Variants in OLFM2 observed in about 807,000 individuals in gnomAD.
OLFM2 encodes the protein olfactomedin 2.
OLFM2 carries 20 observed loss-of-function variants against 43.9 expected under a neutral mutation model. That is an observed-to-expected ratio of 0.46 (90% CI 0.32 to 0.66). The LOEUF is 0.66. Among genes scored for constraint, OLFM2 ranks in the 30% least tolerant of loss-of-function variants. The pLI, the probability that OLFM2 is intolerant of heterozygous loss-of-function variation, is 0.04. For synonymous variants in OLFM2, 268 were observed against 278.6 expected (o/e 0.96, Z 0.38); for missense variants, 416 against 643.6 (o/e 0.65, Z 3.83).
At chr19:9,914,041 C>A (rs1438830941) in intron 1 of OLFM2, among the ~76,000 whole-genome samples, 11 of 150,994 alleles carry the variant, frequency 7.3e-5, no homozygotes, top group African/African-American at 2.7e-4. Flanking sequence ...AGCGCCCCAC[C>A]ACCACCGCGG....
chr19:9,894,399 A>G (rs2046663960), intron 1 of OLFM2, among the ~76,000 whole-genome samples: 1 of 94,490 alleles, frequency 1.1e-5, no homozygotes, highest in Non-Finnish European at 2.3e-5. Context: ...AATAATAATA[A>G]TAATAATAAT....
intron 1 of OLFM2, among the ~76,000 whole-genome samples, chr19:9,888,821 C>T (rs1313726641): frequency 6.6e-6 from 1 of 152,078 alleles, no homozygotes; most frequent in African/African-American, 2.4e-5. Context: ...AATCCCAGCA[C>T]TTTGGGAGGC....
At chr19:9,918,762 C>T (rs184693668) in intron 1 of OLFM2, among the ~76,000 whole-genome samples, 17 of 152,254 alleles carry the variant, frequency 1.1e-4, no homozygotes, top group Admixed American at 8.5e-4. Flanking sequence ...AGGAGCCAGA[C>T]GCAAAAGACC....
chr19:9,913,640 C>A, intron 1 of OLFM2: 2 of 1,253,358 alleles, frequency 1.6e-6, no homozygotes, highest in African/African-American at 1.6e-5. Flanking sequence ...TCATGCCCCG[C>A]GGCCGCCCGC....
intron 2 of OLFM2, among the ~76,000 whole-genome samples, chr19:9,860,266 C>G (rs555564256): frequency 6.6e-5 from 10 of 151,956 alleles, no homozygotes; most frequent in Admixed American, 2.6e-4. Context: ...TCACTTGAGC[C>G]CAGGAGATTG....
At chr19:9,869,573 G>A (rs1197214031) in intron 1 of OLFM2, among the ~76,000 whole-genome samples, 1 of 152,176 alleles carries the variant, frequency 6.6e-6, no homozygotes, top group Non-Finnish European at 1.5e-5. Context: ...AATTAGAACA[G>A]TCATCAGCAT....
At position 9,856,799 on chromosome 19, in the gene OLFM2, T is replaced by C; in HGVS notation, c.687+8A>G. On this transcript the variant is annotated splice_region_variant and intron_variant, in intron 5 of 5. Coordinates refer to ENST00000264833, the MANE Select transcript of OLFM2 (RefSeq NM_058164.4). This position sits in a 1 kb window ranked among gnomAD's most constrained non-coding sequence, Gnocchi z 4.0. ...GCCCTGACCCCAGGGGTGGGCGCAG[T>C]CACTCACCCGGCTATCCGCACTGGG... 1 of 1,610,058 alleles carries C rather than the reference T, an allele frequency of 6.2e-7. No individual in the cohort carries two copies. The highest frequency in any genetic ancestry group is 8.5e-7 in the Non-Finnish European group (1 of 1,177,558).
Position 9,853,930 on chromosome 19 carries a change from A to T in OLFM2, c.*256T>A. ...CGGAAAGAACTGGAGAACCAGAGCC[A>T]TAAAAAGAAAAAGACATCCATAAAA... On this transcript the variant is annotated 3_prime_UTR_variant, in exon 6 of 6. Coordinates refer to ENST00000264833, the MANE Select transcript of OLFM2 (RefSeq NM_058164.4). 1 of 580,300 alleles carries T rather than the reference A, an allele frequency of 1.7e-6. No individual in the cohort carries two copies. The highest frequency in any genetic ancestry group is 2.8e-5 in the East Asian group (1 of 35,316). The allele number at this position is 580,300 out of a possible 1,614,324, so 35.9% of individuals were successfully genotyped here.
At chr19:9,893,222 T>C (rs1009469617) in intron 1 of OLFM2, among the ~76,000 whole-genome samples, 2 of 151,732 alleles carry the variant, frequency 1.3e-5, no homozygotes, top group Non-Finnish European at 2.9e-5. Flanking sequence ...TGGAGTGCAA[T>C]GGCACAATTT....
At chr19:9,904,133 A>G (rs1450965718) in intron 1 of OLFM2, among the ~76,000 whole-genome samples, 1 of 146,060 alleles carries the variant, frequency 6.8e-6, no homozygotes, top group African/African-American at 2.5e-5. Context: ...AAGGCCTCCA[A>G]TCCCAGGCTG....
At chr19:9,882,629 G>T (rs2145456133) in intron 1 of OLFM2, among the ~76,000 whole-genome samples, 1 of 151,892 alleles carries the variant, frequency 6.6e-6, no homozygotes, top group African/African-American at 2.4e-5. Flanking sequence ...ATGTGGTCAG[G>T]GGCTGGGCGG....
intron 1 of OLFM2, among the ~76,000 whole-genome samples, chr19:9,934,650 G>T (rs1194463864): frequency 6.6e-6 from 1 of 152,104 alleles, no homozygotes; most frequent in East Asian, 1.9e-4. Flanking sequence ...CGTCTCCCAG[G>T]TGTGTCTCTT....
chr19:9,882,751 A>G (rs2046549951), intron 1 of OLFM2, among the ~76,000 whole-genome samples: 1 of 151,380 alleles, frequency 6.6e-6, no homozygotes, highest in African/African-American at 2.4e-5. Context: ...GTCTACAAAA[A>G]ATTAAAAAAT....
intron 1 of OLFM2, among the ~76,000 whole-genome samples, chr19:9,923,674 G>T (rs10401872): frequency 0.08 from 11,794 of 146,876 alleles, 1,456 homozygotes; most frequent in African/African-American, 0.3. Context: ...AAAGAAAAAA[G>T]AAAAGAAAAG....
chr19:9,897,906 T>C (rs1304338818), intron 1 of OLFM2, among the ~76,000 whole-genome samples: 1 of 151,910 alleles, frequency 6.6e-6, no homozygotes, highest in Non-Finnish European at 1.5e-5. Context: ...TTGTCTTTTA[T>C]TTTATTTTTA....
chr19:9,912,271 C>T lies in OLFM2; in HGVS notation c.63+24033G>A, dbSNP rs1453108612. Reference sequence around the variant, plus strand: ...TCACCTGTGTCAAGCCCAATACCACCCCCACCAGGGGCTGGACAAAGCCTT... The same window carrying T: ...TCACCTGTGTCAAGCCCAATACCACTCCCACCAGGGGCTGGACAAAGCCTT... On this transcript the variant is annotated intron_variant, in intron 1 of 5. Coordinates refer to ENST00000264833, the MANE Select transcript of OLFM2 (RefSeq NM_058164.4). 4.6e-5 allele frequency among the ~76,000 whole-genome samples: 7 copies of T among 152,154 alleles called. No individual in the cohort carries two copies. In the South Asian group the frequency reaches 1.2e-3, roughly 27 times the overall value.
intron 1 of OLFM2, among the ~76,000 whole-genome samples, chr19:9,920,741 C>CAAAAAAAAAAA (rs557455889): frequency 1.3e-4 from 16 of 126,608 alleles, no homozygotes; most frequent in African/African-American, 4.2e-4. Flanking sequence ...ACTAAACATA[C>CAAAAAAAAAAA]AAAAAAAAAA....
chr19:9,864,251 G>T (rs773561188), intron 1 of OLFM2, among the ~76,000 whole-genome samples: 3 of 152,168 alleles, frequency 2.0e-5, no homozygotes, highest in Non-Finnish European at 4.4e-5. Context: ...CACCTCAGTT[G>T]TCCACAGCAG....
intron 1 of OLFM2, among the ~76,000 whole-genome samples, chr19:9,916,412 A>G (rs2046876839): frequency 6.6e-6 from 1 of 152,206 alleles, no homozygotes; most frequent in Non-Finnish European, 1.5e-5. Flanking sequence ...TTCACTGATG[A>G]GTGCTGAACA....
Sources: gnomAD v4.1 joint callset for allele counts (sites outside exome capture counted in the v4.1 genomes callset) on GRCh38, gnomAD v4.1.1 for gene constraint, Gnocchi (gnomAD v3.1) non-coding constraint, MANE v1.5 for transcripts, NCBI Gene and HGNC (gene_info 2026-07-23, HGNC 2026-07-21) for gene names.